The following GMCL1 variants were observed in gnomAD, a reference collection of about 807,000 sequenced individuals.
The protein encoded by GMCL1 is germ cell-less 1, spermatogenesis associated.
GMCL1 carries 54 observed loss-of-function variants against 75.5 expected under a neutral mutation model. That is an observed-to-expected ratio of 0.71 (90% CI 0.57 to 0.90). The LOEUF is 0.90. Ranked by LOEUF, GMCL1 falls within the 40% of genes least tolerant of loss-of-function variation. The pLI is 0.00. For synonymous variants in GMCL1, 210 were observed against 209.6 expected (o/e 1.00, Z -0.02); for missense variants, 537 against 622.7 (o/e 0.86, Z 1.47).
chr2:69,851,762 T>A (rs1675327222), intron 8 of GMCL1, among the ~76,000 whole-genome samples: 1 of 152,140 alleles, frequency 6.6e-6, no homozygotes, highest in Non-Finnish European at 1.5e-5. Flanking sequence ...TGAGACCCTG[T>A]CTCAAAAGGA....
At chr2:69,848,890 A>C (rs1261118723) in intron 7 of GMCL1, among the ~76,000 whole-genome samples, 2 of 152,192 alleles carry the variant, frequency 1.3e-5, no homozygotes, top group Admixed American at 1.3e-4. Context: ...CAGGATTTAA[A>C]AGTTTTTGCT....
At position 69,840,994 on chromosome 2, in the gene GMCL1, C is replaced by T. The variant is rs1674968598; in HGVS notation, c.534C>T (p.Pro178=). Residue 178 remains proline, a synonymous_variant, in exon 4 of 14, where the codon CCC becomes CCT. Transcript: ENST00000282570. ...ATCGAGATGATGTCTTGATAAAGCC[C>T]AGTCGAGTTGTTGCCATTTTGGCAG... ...SLYRDDVLIK[P]SRVVAILAAA... 6.2e-7 allele frequency: 1 copy of T among 1,613,840 alleles called. No individual in the cohort carries two copies. The highest frequency in any genetic ancestry group is 8.5e-7 in the Non-Finnish European group (1 of 1,179,922).
chr2:69,837,545 A>T lies in GMCL1; in HGVS notation c.261-2A>T. The stretch of plus-strand genomic sequence containing the variant: ...ATGTGACTTTTTCATTTCTTTTAAC[A>T]GGAAAAAATTAAAGAGTACATCTAA... On this transcript the variant is annotated splice_acceptor_variant, in intron 1 of 13. Transcript: ENST00000282570. LOFTEE classifies it high-confidence loss of function. 6.6e-7 allele frequency: 1 copy of T among 1,526,590 alleles called. No individual in the cohort carries two copies. Among genetic ancestry groups the T allele is most frequent in the Non-Finnish European group, 8.8e-7 (1 of 1,132,288 alleles). The allele number at this position is 1,526,590 out of a possible 1,614,324, so 94.6% of individuals were successfully genotyped here.
chr2:69,846,516 A>G (rs1675150860), intron 6 of GMCL1, among the ~76,000 whole-genome samples: 1 of 152,196 alleles, frequency 6.6e-6, no homozygotes, highest in South Asian at 2.1e-4. Flanking sequence ...TGGTATTTGT[A>G]GGAGGTTCTG....
intron 13 of GMCL1, among the ~76,000 whole-genome samples, chr2:69,878,671 A>G (rs1558555400): frequency 2.0e-5 from 3 of 151,988 alleles, no homozygotes; most frequent in African/African-American, 7.3e-5. Flanking sequence ...GCTTTGCAAA[A>G]CCCCCTGTGT....
intron 8 of GMCL1, among the ~76,000 whole-genome samples, chr2:69,854,320 G>T (rs567276640): frequency 2.0e-5 from 3 of 152,068 alleles, no homozygotes; most frequent in Non-Finnish European, 4.4e-5. Flanking sequence ...TAGCCATACA[G>T]TGTCTTTCTT....
intron 9 of GMCL1, among the ~76,000 whole-genome samples, chr2:69,857,692 A>G (rs1478089973): frequency 6.6e-6 from 1 of 152,210 alleles, no homozygotes; most frequent in East Asian, 1.9e-4. Context: ...TCTATACAGA[A>G]TACTCTTATT....
chr2:69,864,859 C>T (rs1186853384), intron 10 of GMCL1, 41 bp from the exon 11 acceptor site: 2 of 1,268,420 alleles, frequency 1.6e-6, no homozygotes, highest in East Asian at 2.4e-5. Context: ...TTATTAGTTG[C>T]ATATTTTCTA....
chr2:69,872,863 C>G (rs566823971), intron 13 of GMCL1, among the ~76,000 whole-genome samples: 1 of 152,174 alleles, frequency 6.6e-6, no homozygotes, highest in Non-Finnish European at 1.5e-5. Context: ...TGTCATGGCT[C>G]AAACCCAGCC....
At chr2:69,830,834 AG>A (rs1674651888) in intron 1 of GMCL1, among the ~76,000 whole-genome samples, 2 of 151,482 alleles carry the variant, frequency 1.3e-5, no homozygotes, top group African/African-American at 4.9e-5. Flanking sequence ...GTTTATAGGT[AG>A]AATATATGCT....
chr2:69,839,415 C>A (rs940815606), intron 2 of GMCL1, 42 bp from the exon 3 acceptor site: 4 of 1,220,030 alleles, frequency 3.3e-6, no homozygotes, highest in Non-Finnish European at 4.8e-6. Flanking sequence ...TTGGAAGACA[C>A]AGAAAGTACT....
intron 1 of GMCL1, among the ~76,000 whole-genome samples, chr2:69,831,059 C>T (rs1045813633): frequency 6.6e-5 from 10 of 152,124 alleles, no homozygotes; most frequent in Admixed American, 6.5e-4. Context: ...GCTGGGACTA[C>T]CGGCGCGCAC....
At chr2:69,859,869 C>T (rs569645767) in intron 9 of GMCL1, among the ~76,000 whole-genome samples, 88 of 151,492 alleles carry the variant, frequency 5.8e-4, no homozygotes, top group African/African-American at 1.6e-3. Flanking sequence ...AATTGCACTA[C>T]GATTTCTACC....
intron 8 of GMCL1, among the ~76,000 whole-genome samples, chr2:69,853,339 T>C (rs961979683): frequency 2.0e-5 from 3 of 152,254 alleles, no homozygotes; most frequent in Admixed American, 6.5e-5. Flanking sequence ...TTTTAATGAA[T>C]TTACTGCTTT....
At chr2:69,845,811 A>T (rs900726143) in intron 6 of GMCL1, among the ~76,000 whole-genome samples, 1 of 152,178 alleles carries the variant, frequency 6.6e-6, no homozygotes, top group Non-Finnish European at 1.5e-5. Context: ...TTGGCATTAC[A>T]GTCATTTTCT....
chr2:69,848,958 A>G (rs571702406), intron 7 of GMCL1, among the ~76,000 whole-genome samples: 32 of 152,210 alleles, frequency 2.1e-4, no homozygotes, highest in African/African-American at 6.5e-4. Flanking sequence ...CCTTTTTCCC[A>G]TGTTCATTTC....
At chr2:69,844,282 A>T (rs918979732) in intron 6 of GMCL1, 86 bp downstream of exon 6, 1 of 720,548 alleles carries the variant, frequency 1.4e-6, no homozygotes, top group Admixed American at 2.8e-5. Context: ...TTTGTAGAAC[A>T]CAAAAATATA....
At chr2:69,870,003 C>G (rs749716179) in intron 12 of GMCL1, 139 bp downstream of exon 12, 31 of 755,244 alleles carry the variant, frequency 4.1e-5, no homozygotes, top group Non-Finnish European at 6.2e-5. Context: ...TGACGAGGCT[C>G]CATTCCTGTG....
intron 8 of GMCL1, among the ~76,000 whole-genome samples, chr2:69,852,655 C>T (rs2103990987): frequency 6.6e-6 from 1 of 152,206 alleles, no homozygotes; most frequent in Non-Finnish European, 1.5e-5. Context: ...TCTCCTGCCT[C>T]AGCCTCCCGA....
Sources: gnomAD v4.1 joint callset for allele counts (sites outside exome capture counted in the v4.1 genomes callset) on GRCh38, gnomAD v4.1.1 for gene constraint, MANE v1.5 for transcripts, NCBI Gene and HGNC (gene_info 2026-07-23, HGNC 2026-07-21) for gene names.